Variants in GPC6 observed in about 807,000 individuals in gnomAD.
GPC6 encodes the protein glypican-6.
In GPC6, 14 loss-of-function variants were observed where a neutral mutation model predicts 55.2. The ratio of observed to expected loss-of-function variants is 0.25; its 90% CI spans 0.17 to 0.40. GPC6 has a LOEUF of 0.40. Among genes scored for constraint, GPC6 ranks in the 10% least tolerant of loss-of-function variants. The probability of loss-of-function intolerance (pLI) is 1.00; values close to 1 mark genes in which losing one functional copy is unlikely to be tolerated. For missense variants in GPC6, 641 were observed against 708.5 expected, an observed-to-expected ratio of 0.90 and a Z score of 1.08; for synonymous variants, 278 against 259.6, an observed-to-expected ratio of 1.07 and a Z score of -0.68.
At chr13:93,517,410 T>C (rs896764363) in intron 1 of GPC6, among the ~76,000 whole-genome samples, 2 of 152,150 alleles carry the variant, frequency 1.3e-5, no homozygotes, top group African/African-American at 4.8e-5. Context: ...ATTTTTAAAA[T>C]TTAATTGCTT....
At chr13:93,956,126 T>A (rs1879496538) in intron 3 of GPC6, among the ~76,000 whole-genome samples, 1 of 152,038 alleles carries the variant, frequency 6.6e-6, no homozygotes, top group African/African-American at 2.4e-5. Context: ...CCAGTCCTCC[T>A]GCTGTCTTTG....
At position 93,664,136 on chromosome 13, in the gene GPC6, A is replaced by G. The variant is rs538013140; in HGVS notation, c.319+118715A>G. On this transcript the variant is annotated intron_variant, in intron 2 of 8. Coordinates refer to ENST00000377047, the MANE Select transcript of GPC6 (RefSeq NM_005708.5). ...TTTACTTGGTAAACAATAAAAAATG[A>G]TAAGGATATAACTATATAATTTATT... is the stretch of plus-strand genomic sequence containing the variant. Among the ~76,000 whole-genome samples, 6 of 152,296 alleles carry G rather than the reference A, an allele frequency of 3.9e-5. 1 individual carries two copies. In the South Asian group the frequency reaches 1.0e-3, roughly 26 times the overall value.
At chr13:93,777,660 T>G (rs778164289) in intron 2 of GPC6, among the ~76,000 whole-genome samples, 1 of 152,208 alleles carries the variant, frequency 6.6e-6, no homozygotes, top group Non-Finnish European at 1.5e-5. Flanking sequence ...TTTATAGGTT[T>G]ACGTGAATAC....
intron 5 of GPC6, among the ~76,000 whole-genome samples, chr13:94,305,403 C>G (rs1482944848): frequency 1.3e-5 from 2 of 152,154 alleles, no homozygotes; most frequent in Admixed American, 6.5e-5. Context: ...GTCTAACATA[C>G]ATATTTTTGC....
intron 2 of GPC6, among the ~76,000 whole-genome samples, chr13:93,648,619 C>T (rs3848067): frequency 0.8 from 121,381 of 152,134 alleles, 50,040 homozygotes; most frequent in Non-Finnish European, 0.92. Context: ...AAAATGTTTG[C>T]ACTATTAGAA....
chr13:93,715,956 A>T (rs1347616541), intron 2 of GPC6, among the ~76,000 whole-genome samples: 1 of 151,566 alleles, frequency 6.6e-6, no homozygotes, highest in Non-Finnish European at 1.5e-5. Context: ...TTGAATAAGG[A>T]TGTTTCAGTC....
At chr13:94,028,569 C>T (rs1594678127) in intron 4 of GPC6, among the ~76,000 whole-genome samples, 1 of 151,954 alleles carries the variant, frequency 6.6e-6, no homozygotes, top group Middle Eastern at 3.4e-3. Context: ...AGCATAGCCA[C>T]ACATATTAGC....
intron 4 of GPC6, among the ~76,000 whole-genome samples, chr13:94,162,781 T>A (rs72645974): frequency 0.079 from 12,004 of 152,230 alleles, 588 homozygotes; most frequent in South Asian, 0.15. Context: ...ACATTGAGCA[T>A]ATATATGTTG....
Position 93,923,453 on chromosome 13 carries a change from G to A in GPC6, c.711+92908G>A, listed in dbSNP as rs1314045909. Among the ~76,000 whole-genome samples, 4 of 149,412 alleles carry A rather than the reference G, an allele frequency of 2.7e-5. No individual in the cohort carries two copies. In the East Asian group the frequency reaches 6.0e-4, roughly 22 times the overall value. On this transcript the variant is annotated intron_variant, in intron 3 of 8. Coordinates refer to ENST00000377047, the MANE Select transcript of GPC6 (RefSeq NM_005708.5). ...CAGGTCACCAAAATCCCTTGGAGAG[G>A]TTACTACTTTCATTCAGTTACAGAA...
At chr13:93,879,299 C>T (rs1874807765) in intron 3 of GPC6, among the ~76,000 whole-genome samples, 1 of 152,208 alleles carries the variant, frequency 6.6e-6, no homozygotes, top group African/African-American at 2.4e-5. Flanking sequence ...CATCACACTA[C>T]CTGACTTCAA....
At chr13:94,253,454 G>A (rs573079666) in intron 4 of GPC6, among the ~76,000 whole-genome samples, 1 of 152,140 alleles carries the variant, frequency 6.6e-6, no homozygotes, top group East Asian at 1.9e-4. Context: ...TAATAAGAGA[G>A]GAGTTTCATG....
At chr13:94,115,410 T>A (rs1886401501) in intron 4 of GPC6, among the ~76,000 whole-genome samples, 1 of 152,140 alleles carries the variant, frequency 6.6e-6, no homozygotes, top group Non-Finnish European at 1.5e-5. Flanking sequence ...TGGTCCCAGC[T>A]GAATTTTTTA....
At chr13:93,859,553 T>G (rs1054452596) in intron 3 of GPC6, among the ~76,000 whole-genome samples, 3 of 151,746 alleles carry the variant, frequency 2.0e-5, no homozygotes, top group African/African-American at 7.2e-5. Flanking sequence ...ATTTCTCTTG[T>G]AGTAGTTCTA....
intron 2 of GPC6, among the ~76,000 whole-genome samples, chr13:93,573,993 G>A (rs1337604297): frequency 6.6e-6 from 1 of 152,188 alleles, no homozygotes; most frequent in African/African-American, 2.4e-5. Context: ...AATAACACCC[G>A]ATTGCCAATA....
intron 3 of GPC6, among the ~76,000 whole-genome samples, chr13:94,017,318 G>T (rs879187293): frequency 6.6e-6 from 1 of 152,090 alleles, no homozygotes; most frequent in Admixed American, 6.5e-5. Flanking sequence ...CTGCCATGAA[G>T]AAGTATGACT....
chr13:94,234,357 T>A (rs986880392), intron 4 of GPC6, among the ~76,000 whole-genome samples: 1 of 152,134 alleles, frequency 6.6e-6, no homozygotes, highest in African/African-American at 2.4e-5. Flanking sequence ...AGGGTATCAA[T>A]AGGCACAAAA....
chr13:94,244,318 A>G (rs1321988655), intron 4 of GPC6, among the ~76,000 whole-genome samples: 1 of 152,140 alleles, frequency 6.6e-6, no homozygotes, highest in African/African-American at 2.4e-5. Context: ...TAGGAAAACA[A>G]TAGGAAGACA....
chr13:93,607,521 T>A lies in GPC6; in HGVS notation c.319+62100T>A, dbSNP rs540661234. 1.1e-4 allele frequency among the ~76,000 whole-genome samples: 17 copies of A among 152,290 alleles called. No homozygotes were observed. The South Asian group carries it at 3.5e-3, about 32-fold the overall frequency. Reference sequence around the variant, plus strand: ...ACCCAATAGGTTGAATTTTCCTTCCTTGTATTCCTGCAGCACAGAAACACC... The same window carrying A: ...ACCCAATAGGTTGAATTTTCCTTCCATGTATTCCTGCAGCACAGAAACACC... On this transcript the variant is annotated intron_variant, in intron 2 of 8. Transcript: ENST00000377047.
chr13:94,266,366 C>T (rs1227063226), intron 4 of GPC6, among the ~76,000 whole-genome samples: 3 of 152,124 alleles, frequency 2.0e-5, no homozygotes, highest in Non-Finnish European at 2.9e-5. Flanking sequence ...GACGGGGTTT[C>T]ACTGTGTTAG....
Sources: allele counts gnomAD v4.1 joint callset (sites outside exome capture counted in the v4.1 genomes callset), GRCh38; gene constraint gnomAD v4.1.1; transcripts MANE v1.5; gene names NCBI Gene and HGNC (gene_info 2026-07-23, HGNC 2026-07-21).